SHISA2: variants seen among roughly 807,000 people sequenced by gnomAD.
SHISA2 encodes the protein protein shisa-2 homolog.
SHISA2 carries 16 observed loss-of-function variants against 23.8 expected under a neutral mutation model. The observed-to-expected ratio is 0.67, with a 90% confidence interval of 0.46 to 1.02. SHISA2 has a LOEUF of 1.02. Ranked by LOEUF, SHISA2 falls within the 50% of genes least tolerant of loss-of-function variation. The pLI, the probability that SHISA2 is intolerant of heterozygous loss-of-function variation, is 0.00. For missense variants in SHISA2, 459 were observed against 420.1 expected (o/e 1.09, Z -0.81); for synonymous variants, 201 against 178.6 (o/e 1.13, Z -1.00).
Position 26,050,910 on chromosome 13 carries a change from C to G in SHISA2, c.66G>C (p.Leu22=). The part of the protein sequence containing the change: ...SWNAASLLQL[L]LAALLAAGAR... ...CCCCCGCCGCCAGCAGCGCAGCCAGCAGCAGCTGCAGGAGCGAAGCGGCGT... is the reference window on the plus strand; with the variant it reads ...CCCCCGCCGCCAGCAGCGCAGCCAGGAGCAGCTGCAGGAGCGAAGCGGCGT... Residue 22 remains leucine, a synonymous_variant, in exon 1 of 2, where the codon CTG becomes CTC. Transcript: ENST00000319420. The G allele has an allele frequency of 6.6e-7, 1 of 1,519,330 alleles. No individual in the cohort carries two copies. Among genetic ancestry groups the G allele is most frequent in the South Asian group, 1.2e-5 (1 of 82,576 alleles). The allele number at this position is 1,519,330 out of a possible 1,614,324, so 94.1% of individuals were successfully genotyped here. A position where few individuals can be genotyped will look rare whatever the true frequency, so the allele number is the denominator to read the frequency against.
In SHISA2 at chr13:26,050,712, G is replaced by A. The variant is rs1957296629; in HGVS notation, c.264C>T (p.Cys88=). Residue 88 remains cysteine, a synonymous_variant, in exon 1 of 2, where the codon TGC becomes TGT. Transcript: ENST00000319420. ...CAGCGCCCTGCTGGCGGTCATTGTC[G>A]CAGCCGCCCTGGTCCAGGCGCGCCT... The part of the protein sequence containing the change: ...SAEARLDQGG[C]DNDRQQGAGE... The A allele has an allele frequency of 2.0e-6, 3 of 1,479,782 alleles. No homozygotes were observed. Among genetic ancestry groups the A allele is most frequent in the Non-Finnish European group, 1.8e-6 (2 of 1,122,436 alleles). The allele number at this position is 1,479,782 out of a possible 1,614,324, so 91.7% of individuals were successfully genotyped here. A position where few individuals can be genotyped will look rare whatever the true frequency, so the allele number is the denominator to read the frequency against.
In SHISA2 at chr13:26,046,630, C is replaced by T. The variant is rs1957269586; in HGVS notation, c.771G>A (p.Val257=). The stretch of plus-strand genomic sequence containing the variant: ...TGAAAGGTGGCACAGCTGTCATGGG[C>T]ACAGAGTCGTGCTGCACCGTGTACC... ...YVGYTVQHDS[V]PMTAVPPFMD... The change falls in exon 2 of 2, where the codon GTG becomes GTA. Residue 257 remains valine (V), a synonymous_variant. Transcript: ENST00000319420. The T allele has an allele frequency of 1.2e-6, 2 of 1,614,196 alleles. No homozygotes were observed. Among genetic ancestry groups the T allele is most frequent in the African/African-American group, 2.7e-5 (2 of 75,052 alleles).
intron 1 of SHISA2, 133 bp from the exon 2 acceptor site, chr13:26,047,199 G>A: frequency 1.0e-6 from 1 of 974,158 alleles, no homozygotes; most frequent in Non-Finnish European, 1.5e-6. Flanking sequence ...GGGCTAATTT[G>A]TTCACATATT....
At chr13:26,049,707 T>C (rs2137488270) in intron 1 of SHISA2, among the ~76,000 whole-genome samples, 1 of 152,106 alleles carries the variant, frequency 6.6e-6, no homozygotes, top group South Asian at 2.1e-4. Context: ...AAACACAAAC[T>C]ACGCTGTGCC....
In SHISA2 at chr13:26,051,958, C is replaced by T. The variant is rs1357255589; in HGVS notation, c.-983G>A. Among the ~76,000 whole-genome samples the T allele has an allele frequency of 7.3e-6, 1 of 136,664 alleles. No individual in the cohort carries two copies. The highest frequency in any genetic ancestry group is 1.6e-5 in the Non-Finnish European group (1 of 63,206). 89.7% of individuals were successfully genotyped at this position (136,664 alleles called of 152,430 possible). On this transcript the variant is annotated 5_prime_UTR_variant, in exon 1 of 2. Transcript: ENST00000319420. ...CCTCCGGGCTACGGGAGAAGCCGAG[C>T]GCAGCAGCCGCCCACAGCCTCGCCT...
At position 26,051,199 on chromosome 13, in the gene SHISA2, G is replaced by A. The variant is rs1957301638; in HGVS notation, c.-224C>T. On this transcript the variant is annotated 5_prime_UTR_variant, in exon 1 of 2. Transcript: ENST00000319420. ...TCAGCCGGTGGCCCGGTCCCCTTAGGGACTGCCTTATGAGTTGCACTCGCT... is the reference window on the plus strand; with the variant it reads ...TCAGCCGGTGGCCCGGTCCCCTTAGAGACTGCCTTATGAGTTGCACTCGCT... Among the ~76,000 whole-genome samples, 1 of 152,154 alleles carries A rather than the reference G, an allele frequency of 6.6e-6. No homozygotes were observed. Among genetic ancestry groups the A allele is most frequent in the South Asian group, 2.1e-4 (1 of 4,828 alleles).
Position 26,050,684 on chromosome 13 carries a change from C to G in SHISA2, c.292G>C (p.Glu98Gln). The change falls in exon 1 of 2, where the codon GAG (glutamate) becomes CAG (glutamine). Residue 98 changes from glutamate (E) to glutamine (Q), a missense_variant. Transcript: ENST00000319420. ...CCGTCTTTGTCCGCCCGGCCAGGCT[C>G]GCCAGCGCCCTGCTGGCGGTCATTG... ...CDNDRQQGAG[E>Q]PGRADKDGPD... 6.8e-7 allele frequency: 1 copy of G among 1,465,584 alleles called. No individual in the cohort carries two copies. The highest frequency in any genetic ancestry group is 9.0e-7 in the Non-Finnish European group (1 of 1,116,476). 90.8% of individuals were successfully genotyped at this position (1,465,584 alleles called of 1,614,324 possible).
chr13:26,046,780 G>C lies in SHISA2; in HGVS notation c.621C>G (p.Cys207Trp), dbSNP rs762032717. The C allele has an allele frequency of 6.2e-7, 1 of 1,614,200 alleles. No homozygotes were observed. Among genetic ancestry groups the C allele is most frequent in the Non-Finnish European group, 8.5e-7 (1 of 1,180,036 alleles). Reference protein sequence around the residue: ...APPTRSQTNCCLPEGTMNNVY... With the variant: ...APPTRSQTNCWLPEGTMNNVY... ...CGTTGTTCATGGTCCCTTCCGGCAAGCAACAGTTGGTCTGTGACCTTGTTG... is the reference window on the plus strand; with the variant it reads ...CGTTGTTCATGGTCCCTTCCGGCAACCAACAGTTGGTCTGTGACCTTGTTG... The change falls in exon 2 of 2, where the codon TGC becomes TGG. Residue 207 changes from cysteine to tryptophan, a missense_variant. Cys to Trp is a radical substitution (Grantham distance 215). Coordinates refer to ENST00000319420, the MANE Select transcript of SHISA2 (RefSeq NM_001007538.2).
rs1957258128 is a variant in SHISA2 at position 26,045,144 on chromosome 13, T to C, written c.*1369A>G. The C allele has an allele frequency of 6.6e-6, 1 of 152,224 alleles. No individual in the cohort carries two copies. The highest frequency in any genetic ancestry group is 2.4e-5 in the African/African-American group (1 of 41,454). The allele number at this position is 152,224 out of a possible 1,614,324, so 9.4% of individuals were successfully genotyped here. On this transcript the variant is annotated 3_prime_UTR_variant, in exon 2 of 2. Coordinates refer to ENST00000319420, the MANE Select transcript of SHISA2 (RefSeq NM_001007538.2). ...TCAGGTTATGGCTGAGGAGCTATAC[T>C]AAGTATCTTTGTAACACATTTCTTT...
rs1323544463 is a variant in SHISA2 at position 26,051,080 on chromosome 13, G to A, written c.-105C>T. The stretch of plus-strand genomic sequence containing the variant: ...GGGCCTCGTCACTGACTGTCCCGCG[G>A]CGCTTTCCGCGCGGGCCACTCCCCT... On this transcript the variant is annotated 5_prime_UTR_variant, in exon 1 of 2. Coordinates refer to ENST00000319420, the MANE Select transcript of SHISA2 (RefSeq NM_001007538.2). The A allele has an allele frequency of 2.8e-6, 3 of 1,068,084 alleles. No homozygotes were observed. Among genetic ancestry groups the A allele is most frequent in the Non-Finnish European group, 3.8e-6 (3 of 789,120 alleles). The allele number at this position is 1,068,084 out of a possible 1,614,324, so 66.2% of individuals were successfully genotyped here. A position where few individuals can be genotyped will look rare whatever the true frequency, so the allele number is the denominator to read the frequency against.
At chr13:26,048,399 G>A (rs1369434436) in intron 1 of SHISA2, among the ~76,000 whole-genome samples, 1 of 152,204 alleles carries the variant, frequency 6.6e-6, no homozygotes, top group Non-Finnish European at 1.5e-5. Context: ...GACGCAGGTT[G>A]ACAGGGACAG....
rs1298892148 is a variant in SHISA2 at position 26,044,778 on chromosome 13, T to C, written c.*1735A>G. 6.6e-6 allele frequency: 1 copy of C among 152,222 alleles called. No individual in the cohort carries two copies. The highest frequency in any genetic ancestry group is 1.9e-4 in the East Asian group (1 of 5,204). 9.4% of individuals were successfully genotyped at this position (152,222 alleles called of 1,614,324 possible). A position where few individuals can be genotyped will look rare whatever the true frequency, so the allele number is the denominator to read the frequency against. On this transcript the variant is annotated 3_prime_UTR_variant, in exon 2 of 2. Transcript: ENST00000319420. Reference sequence around the variant, plus strand: ...CATAAATGTGTAGAAGACCATACCATACAGCGATTTGTTTAATTACAAAAT... The same window carrying C: ...CATAAATGTGTAGAAGACCATACCACACAGCGATTTGTTTAATTACAAAAT...
At chr13:26,049,720 A>C (rs1957287888) in intron 1 of SHISA2, among the ~76,000 whole-genome samples, 1 of 152,158 alleles carries the variant, frequency 6.6e-6, no homozygotes, top group Non-Finnish European at 1.5e-5. Context: ...GCTGTGCCAA[A>C]GCTCAAGCAG....
chr13:26,045,830 C>A lies in SHISA2; in HGVS notation c.*683G>T, dbSNP rs1183754480. The A allele has an allele frequency of 6.6e-6, 1 of 151,306 alleles. No individual in the cohort carries two copies. Among genetic ancestry groups the A allele is most frequent in the African/African-American group, 2.4e-5 (1 of 41,206 alleles). 9.4% of individuals were successfully genotyped at this position (151,306 alleles called of 1,614,324 possible). On this transcript the variant is annotated 3_prime_UTR_variant, in exon 2 of 2. Coordinates refer to ENST00000319420, the MANE Select transcript of SHISA2 (RefSeq NM_001007538.2). ...GGGGGCGGTGGCTCACGCCTGTAAT[C>A]CCAGCACTTTGGGAGGCTGAGACAG... is the stretch of plus-strand genomic sequence containing the variant.
intron 1 of SHISA2, 141 bp from the exon 2 acceptor site, chr13:26,047,207 A>G (rs954485697): frequency 4.4e-6 from 4 of 901,556 alleles, no homozygotes; most frequent in Non-Finnish European, 6.5e-6. Flanking sequence ...TTGTTCACAT[A>G]TTAGGAGTCC....
Position 26,046,998 on chromosome 13 carries a change from C to T in SHISA2, c.403G>A (p.Val135Met), listed in dbSNP as rs1368015392. ...AGACATCTGCAGCAACAGGCTGCCA[C>T]CAGGGACCCCAAGATGATAAAGGCG... ...FVAFIILGSL[V>M]AACCCRCLRP... The change falls in exon 2 of 2, where the codon GTG (valine) becomes ATG (methionine). Residue 135 changes from valine to methionine, a missense_variant. Coordinates refer to ENST00000319420, the MANE Select transcript of SHISA2 (RefSeq NM_001007538.2). 3 of 1,592,654 alleles carry T rather than the reference C, an allele frequency of 1.9e-6. No homozygotes were observed. Among genetic ancestry groups the T allele is most frequent in the Admixed American group, 3.5e-5 (2 of 56,562 alleles).
chr13:26,051,047 C>G lies in SHISA2; in HGVS notation c.-72G>C. The G allele has an allele frequency of 7.6e-7, 1 of 1,323,320 alleles. No individual in the cohort carries two copies. Among genetic ancestry groups the G allele is most frequent in the Non-Finnish European group, 9.9e-7 (1 of 1,015,166 alleles). 82.0% of individuals were successfully genotyped at this position (1,323,320 alleles called of 1,614,324 possible). On this transcript the variant is annotated 5_prime_UTR_variant, in exon 1 of 2. Transcript: ENST00000319420. ...GGTCTCCGAGAAGTCGTGGCCCCGG[C>G]GACCCCCGGGCCTCGTCACTGACTG...
In SHISA2 at chr13:26,051,169, C is replaced by G. The variant is rs1185551217; in HGVS notation, c.-194G>C. On this transcript the variant is annotated 5_prime_UTR_variant, in exon 1 of 2. Transcript: ENST00000319420. Reference sequence around the variant, plus strand: ...GGTCCAGGAGCTCCTAAGCCATCCCCGTCCTCAGCCGGTGGCCCGGTCCCC... The same window carrying G: ...GGTCCAGGAGCTCCTAAGCCATCCCGGTCCTCAGCCGGTGGCCCGGTCCCC... 3 of 536,892 alleles carry G rather than the reference C, an allele frequency of 5.6e-6. No individual in the cohort carries two copies. The highest frequency in any genetic ancestry group is 6.4e-6 in the Non-Finnish European group (2 of 312,888). The allele number at this position is 536,892 out of a possible 1,614,324, so 33.3% of individuals were successfully genotyped here. A position where few individuals can be genotyped will look rare whatever the true frequency, so the allele number is the denominator to read the frequency against.
rs565782329 is a variant in SHISA2, at chr13:26,046,366, G to A, written c.*147C>T. On this transcript the variant is annotated 3_prime_UTR_variant, in exon 2 of 2. Transcript: ENST00000319420. ...GAAACATATCCAGAAATGCTAATTCGGAGATGTTTTCATACAGTCTGGGGG... is the reference window on the plus strand; with the variant it reads ...GAAACATATCCAGAAATGCTAATTCAGAGATGTTTTCATACAGTCTGGGGG... 32 of 772,930 alleles carry A rather than the reference G, an allele frequency of 4.1e-5. 2 individuals carry two copies. Among genetic ancestry groups the A allele is most frequent in the South Asian group, 1.0e-4 (5 of 49,312 alleles). The allele number at this position is 772,930 out of a possible 1,614,324, so 47.9% of individuals were successfully genotyped here.
Sources: gnomAD v4.1 joint callset for allele counts (sites outside exome capture counted in the v4.1 genomes callset) on GRCh38, gnomAD v4.1.1 for gene constraint, MANE v1.5 for transcripts, NCBI Gene and HGNC (gene_info 2026-07-23, HGNC 2026-07-21) for gene names.